The following CMC2 variants were observed in gnomAD, a reference collection of about 807,000 sequenced individuals.
CMC2 encodes the protein COX assembly mitochondrial protein 2 homolog.
A neutral mutation model predicts 7.5 loss-of-function variants in CMC2; 5 were observed. That is an observed-to-expected ratio of 0.66 (90% CI 0.35 to 1.40). The LOEUF is 1.40. Ranked by LOEUF, CMC2 falls within the 40% of genes most tolerant of loss-of-function variation. The probability of loss-of-function intolerance (pLI) is 0.04; values close to 1 mark genes in which losing one functional copy is unlikely to be tolerated. For missense variants in CMC2, 115 were observed against 92.3 expected, an observed-to-expected ratio of 1.25 and a Z score of -1.01; for synonymous variants, 37 against 31.4, an observed-to-expected ratio of 1.18 and a Z score of -0.60.
chr16:81,001,575 T>C (rs2970081), intron 1 of CMC2, among the ~76,000 whole-genome samples: 95,679 of 151,860 alleles, frequency 0.63, 31,665 homozygotes, highest in Middle Eastern at 0.79. Context: ...TTAATGTATC[T>C]GATACCACTG....
chr16:80,991,027 T>C (rs1471305056), intron 2 of CMC2, among the ~76,000 whole-genome samples: 5 of 72,308 alleles, frequency 6.9e-5, no homozygotes, highest in African/African-American at 3.7e-4. Flanking sequence ...AAGCCTGGCT[T>C]TTTTTTTTTT....
intron 2 of CMC2, among the ~76,000 whole-genome samples, chr16:80,990,875 T>C (rs1967940581): frequency 6.6e-6 from 1 of 152,004 alleles, no homozygotes; most frequent in South Asian, 2.1e-4. Flanking sequence ...CAGGCATGTG[T>C]CATCTAGTGA....
At chr16:81,005,187 G>C (rs1376881917) in intron 1 of CMC2, among the ~76,000 whole-genome samples, 1 of 152,156 alleles carries the variant, frequency 6.6e-6, no homozygotes, top group Non-Finnish European at 1.5e-5. Context: ...CCACCACTTC[G>C]GGAGGCCGAG....
rs1911676741 is a variant in CMC2 at position 80,968,072 on chromosome 16, A to AAATG, written c.*8020_*8021insCATT. 6.6e-6 allele frequency: 1 copy of AAATG among 152,312 alleles called. No homozygotes were observed. The highest frequency in any genetic ancestry group is 1.5e-5 in the Non-Finnish European group (1 of 68,016). The allele number at this position is 152,312 out of a possible 1,614,324, so 9.4% of individuals were successfully genotyped here. ...TGACAAGAGTGGATGAAGGTCATTAACCCTAAAGAAGTAGGCATTTTATGG... is the reference window on the plus strand; with the variant it reads ...TGACAAGAGTGGATGAAGGTCATTAAAATGCCCTAAAGAAGTAGGCATTTTATGG... On this transcript the variant is annotated 3_prime_UTR_variant, in exon 4 of 4. Coordinates refer to ENST00000219400, the MANE Select transcript of CMC2 (RefSeq NM_020188.5).
In CMC2 at chr16:80,969,812, C is replaced by G. The variant is rs1911795850; in HGVS notation, c.*6281G>C. 1 of 134,140 alleles carries G rather than the reference C, an allele frequency of 7.5e-6. No individual in the cohort carries two copies. The highest frequency in any genetic ancestry group is 1.5e-5 in the Non-Finnish European group (1 of 65,850). 8.3% of individuals were successfully genotyped at this position (134,140 alleles called of 1,614,324 possible). A position where few individuals can be genotyped will look rare whatever the true frequency, so the allele number is the denominator to read the frequency against. The stretch of plus-strand genomic sequence containing the variant: ...GGCTGAGGCACAAGAATCACTTGAA[C>G]CCAGGCAGCAAGGTTGCAGGGAGCC... On this transcript the variant is annotated 3_prime_UTR_variant, in exon 4 of 4. Coordinates refer to ENST00000219400, the MANE Select transcript of CMC2 (RefSeq NM_020188.5).
chr16:80,989,693 C>T (rs575068603), intron 2 of CMC2, among the ~76,000 whole-genome samples: 2 of 82,584 alleles, frequency 2.4e-5, no homozygotes, highest in East Asian at 6.0e-4. Context: ...CAAACATAGA[C>T]ACACATTATC....
Position 80,988,535 on chromosome 16 carries a change from C to T in CMC2, c.82-6658G>A. ...CCAAATTTGCTTTATCCTTCTAGCT[C>T]TTACATATACACCCGAGCTTTTCTT... On this transcript the variant is annotated intron_variant, in intron 2 of 3. Coordinates refer to ENST00000219400, the MANE Select transcript of CMC2 (RefSeq NM_020188.5). 4.3e-6 allele frequency: 3 copies of T among 701,580 alleles called. No individual in the cohort carries two copies. The South Asian group carries it at 4.5e-5, about 10-fold the overall frequency. The allele number at this position is 701,580 out of a possible 1,614,324, so 43.5% of individuals were successfully genotyped here.
At chr16:80,990,465 C>T (rs1035205402) in intron 2 of CMC2, among the ~76,000 whole-genome samples, 11 of 151,850 alleles carry the variant, frequency 7.2e-5, no homozygotes, top group African/African-American at 2.4e-4. Context: ...CCACCGCCAC[C>T]GGCCAAAAGA....
In CMC2 at chr16:80,967,911, TCCTA is replaced by T. The variant is rs1225947341; in HGVS notation, c.*8178_*8181del. On this transcript the variant is annotated 3_prime_UTR_variant, in exon 4 of 4. Coordinates refer to ENST00000219400, the MANE Select transcript of CMC2 (RefSeq NM_020188.5). ...AATGACAACATACCATATTAACGCT[TCCTA>T]TTTTTTTTTCAAATCACATTCTCAA... 2.0e-5 allele frequency: 3 copies of T among 152,302 alleles called. No homozygotes were observed. Among genetic ancestry groups the T allele is most frequent in the Admixed American group, 6.5e-5 (1 of 15,300 alleles). 9.4% of individuals were successfully genotyped at this position (152,302 alleles called of 1,614,324 possible).
rs935247329 is a variant in CMC2, at chr16:80,971,610, A to G, written c.*4483T>C. 2.0e-5 allele frequency: 3 copies of G among 147,792 alleles called. No individual in the cohort carries two copies. Among genetic ancestry groups the G allele is most frequent in the East Asian group, 2.0e-4 (1 of 5,112 alleles). The allele number at this position is 147,792 out of a possible 1,614,324, so 9.2% of individuals were successfully genotyped here. A position where few individuals can be genotyped will look rare whatever the true frequency, so the allele number is the denominator to read the frequency against. On this transcript the variant is annotated 3_prime_UTR_variant, in exon 4 of 4. Transcript: ENST00000219400. ...TGTATGAAATCATGCATATATATAT[A>G]TGTATGAAATCATGCATGAGAATGA... is the stretch of plus-strand genomic sequence containing the variant.
rs1912083705 is a variant in CMC2 at position 80,973,630 on chromosome 16, A to C, written c.*2463T>G. 6.6e-6 allele frequency: 1 copy of C among 152,202 alleles called. No homozygotes were observed. The highest frequency in any genetic ancestry group is 1.5e-5 in the Non-Finnish European group (1 of 68,048). The allele number at this position is 152,202 out of a possible 1,614,324, so 9.4% of individuals were successfully genotyped here. The stretch of plus-strand genomic sequence containing the variant: ...CTCCAAATAACATGCAAGTTCCCTG[A>C]GGTGATGTCCAAGGCCTGTGTGTTC... On this transcript the variant is annotated 3_prime_UTR_variant, in exon 4 of 4. Coordinates refer to ENST00000219400, the MANE Select transcript of CMC2 (RefSeq NM_020188.5).
intron 1 of CMC2, among the ~76,000 whole-genome samples, chr16:81,005,458 AT>A (rs1969214408): frequency 6.7e-6 from 1 of 148,512 alleles, no homozygotes; most frequent in Non-Finnish European, 1.5e-5. Context: ...AACATAAAAC[AT>A]TTTTAAGGCC....
rs57915291 is a variant in CMC2, at chr16:80,985,901, C to CA, written c.82-4025dup. 2.0e-3 allele frequency among the ~76,000 whole-genome samples: 213 copies of CA among 104,988 alleles called. 6 individuals are homozygous for CA. The highest frequency in any genetic ancestry group is 6.9e-3 in the African/African-American group (198 of 28,512). The allele number at this position is 104,988 out of a possible 152,430, so 68.9% of individuals were successfully genotyped here. On this transcript the variant is annotated intron_variant, in intron 2 of 3. Coordinates refer to ENST00000219400, the MANE Select transcript of CMC2 (RefSeq NM_020188.5). ...GAAATATCATTCTCCCATATACCTG[C>CA]AAAAAAAAAAAAAAAAACCACAGGA...
intron 2 of CMC2, chr16:80,996,995 G>C (rs1266828583): frequency 8.5e-6 from 4 of 471,742 alleles, no homozygotes; most frequent in South Asian, 1.6e-5. Flanking sequence ...AGAAGTGTCA[G>C]CGCTGAATAT....
At chr16:80,990,197 G>C (rs1329236152) in intron 2 of CMC2, among the ~76,000 whole-genome samples, 1 of 150,642 alleles carries the variant, frequency 6.6e-6, no homozygotes, top group Non-Finnish European at 1.5e-5. Context: ...TTGAGACACA[G>C]TCTCACTCTG....
rs992760634 is a variant in CMC2, at chr16:80,988,207, C to T, written c.82-6330G>A. On this transcript the variant is annotated intron_variant, in intron 2 of 3. Transcript: ENST00000219400. ...CCGATAAACTTTTAATTAACTTTTCCCCCCCAGATATAGACCTGCAGAATT... is the reference window on the plus strand; with the variant it reads ...CCGATAAACTTTTAATTAACTTTTCTCCCCCAGATATAGACCTGCAGAATT... Among the ~76,000 whole-genome samples the T allele has an allele frequency of 3.3e-5, 5 of 150,562 alleles. No individual in the cohort carries two copies. The Admixed American group carries it at 3.3e-4, about 10-fold the overall frequency.
At chr16:81,004,165 T>G (rs1390742131) in intron 1 of CMC2, among the ~76,000 whole-genome samples, 3 of 152,090 alleles carry the variant, frequency 2.0e-5, no homozygotes, top group African/African-American at 7.2e-5. Flanking sequence ...GAGGTTGCAG[T>G]GAGCTGAGAT....
intron 2 of CMC2, among the ~76,000 whole-genome samples, chr16:80,989,800 T>C (rs944263543): frequency 2.6e-5 from 4 of 152,242 alleles, no homozygotes; most frequent in Admixed American, 6.5e-5. Context: ...TTTCCACTTC[T>C]ATATTTATGA....
chr16:80,982,763 T>C (rs1967223958), intron 2 of CMC2: 1 of 152,520 alleles, frequency 6.6e-6, no homozygotes, highest in African/African-American at 2.4e-5. Flanking sequence ...CTATTGCTAT[T>C]ACACTGGGCT....
Sources: gnomAD v4.1 joint callset for allele counts (sites outside exome capture counted in the v4.1 genomes callset) on GRCh38, gnomAD v4.1.1 for gene constraint, MANE v1.5 for transcripts, NCBI Gene and HGNC (gene_info 2026-07-23, HGNC 2026-07-21) for gene names.